Variants in ABCA8 observed in about 807,000 individuals in gnomAD.
The protein encoded by ABCA8 is ABC-type organic anion transporter ABCA8.
ABCA8 carries 177 observed loss-of-function variants against 192.3 expected under a neutral mutation model. The observed-to-expected ratio is 0.92, with a 90% CI of 0.81 to 1.04. The LOEUF is 1.04. Among genes scored for constraint, ABCA8 ranks in the 50% least tolerant of loss-of-function variants. The pLI is 0.00. For missense variants in ABCA8, 1,915 were observed against 1,904.8 expected, an observed-to-expected ratio of 1.01 and a Z score of -0.10; for synonymous variants, 642 against 690.2, an observed-to-expected ratio of 0.93 and a Z score of 1.09.
chr17:68,922,413 T>C, intron 11 of ABCA8, 113 bp from the exon 12 acceptor site: 2 of 738,132 alleles, frequency 2.7e-6, no homozygotes, highest in Non-Finnish European at 4.2e-6. Context: ...GATCTGGGTC[T>C]TCACTCTCAC....
At chr17:68,952,666 A>C (rs2068602164) in intron 1 of ABCA8, among the ~76,000 whole-genome samples, 1 of 152,188 alleles carries the variant, frequency 6.6e-6, no homozygotes, top group Non-Finnish European at 1.5e-5. Flanking sequence ...CTGCTTTAAG[A>C]ACCCAGAAAC....
chr17:68,939,181 C>T (rs1230458341), intron 4 of ABCA8, among the ~76,000 whole-genome samples: 1 of 152,134 alleles, frequency 6.6e-6, no homozygotes, highest in East Asian at 1.9e-4. Context: ...TAATCTTTAC[C>T]TTAGCCCTCG....
At chr17:68,942,234 CATTT>C in intron 2 of ABCA8, among the ~76,000 whole-genome samples, 195 bp from the exon 3 acceptor site, 1 of 152,296 alleles carries the variant, frequency 6.6e-6, no homozygotes, top group South Asian at 2.1e-4. Context: ...TCTGTTCCAT[CATTT>C]ATTTGTGATG....
chr17:68,885,313 G>T lies in ABCA8; in HGVS notation c.3432C>A (p.Val1144=). 2 of 1,604,950 alleles carry T rather than the reference G, an allele frequency of 1.2e-6. No homozygotes were observed. Among genetic ancestry groups the T allele is most frequent in the South Asian group, 2.2e-5 (2 of 89,078 alleles). The part of the protein sequence containing the change: ...SGIWSFCFYV[V]TVFSVAGFAF... The stretch of plus-strand genomic sequence containing the variant: ...CAAATCCAGCCACAGAGAATACAGT[G>T]ACCTAAAAGAAGCAAATATGAAGGT... The change falls in exon 27 of 40, where the codon GTC becomes GTA. Residue 1144 remains valine (V), a splice_region_variant and synonymous_variant. Transcript: ENST00000586539.
rs147739810 is a variant in ABCA8, at chr17:68,894,212, T to C, written c.2997A>G (p.Pro999=). ...VSNGLLGMVK[P]SVHIRTERST... is the part of the protein sequence containing the mutation. ...TTCTTTCAGTTCGGATATGTACTGA[T>C]GGTTTAACCATTCCAAGTAGCCCAT... is the stretch of plus-strand genomic sequence containing the variant. Residue 999 remains proline (P), a synonymous_variant, in exon 23 of 40, where the codon CCA becomes CCG. Transcript: ENST00000586539. 266 of 1,613,362 alleles carry C rather than the reference T, an allele frequency of 1.6e-4. No individual in the cohort carries two copies. The highest frequency in any genetic ancestry group is 2.0e-4 in the Non-Finnish European group (240 of 1,179,738).
At position 68,924,745 on chromosome 17, in the gene ABCA8, A is replaced by G; in HGVS notation, c.1398T>C (p.Ser466=). The stretch of plus-strand genomic sequence containing the variant: ...GGAATTCTGGAGGCGCTTGTTCAAA[A>G]GAGTCATGAAATGAAGGATCGGCAT... ...EMDADPSFHD[S]FEQAPPEFQG... The change falls in exon 11 of 40, where the codon TCT becomes TCC. Residue 466 remains serine, a synonymous_variant. Coordinates refer to ENST00000586539, the MANE Select transcript of ABCA8 (RefSeq NM_001288985.2). 6.2e-7 allele frequency: 1 copy of G among 1,614,124 alleles called. No individual in the cohort carries two copies. Among genetic ancestry groups the G allele is most frequent in the Non-Finnish European group, 8.5e-7 (1 of 1,179,972 alleles).
chr17:68,923,580 A>G (rs2067606760), intron 11 of ABCA8, among the ~76,000 whole-genome samples: 1 of 152,230 alleles, frequency 6.6e-6, no homozygotes, highest in Non-Finnish European at 1.5e-5. Context: ...CAAGGTGTTA[A>G]AGCGATCAAA....
intron 1 of ABCA8, among the ~76,000 whole-genome samples, chr17:68,949,904 C>T (rs913626223): frequency 6.6e-6 from 1 of 152,208 alleles, no homozygotes; most frequent in African/African-American, 2.4e-5. Context: ...TGCCCTCTCT[C>T]ACCACTCCTA....
chr17:68,892,809 T>C (rs1321353170), intron 23 of ABCA8, among the ~76,000 whole-genome samples: 1 of 152,142 alleles, frequency 6.6e-6, no homozygotes, highest in African/African-American at 2.4e-5. Context: ...CAGTGAGATA[T>C]GGTGTGAGAA....
chr17:68,918,038 A>G lies in ABCA8; in HGVS notation c.2047+9T>C, dbSNP rs369980206. 2 of 1,613,834 alleles carry G rather than the reference A, an allele frequency of 1.2e-6. No individual in the cohort carries two copies. The highest frequency in any genetic ancestry group is 2.7e-5 in the African/African-American group (2 of 74,932). ...CTCCTCAGGATACTTAACAGAAACC[A>G]GTGATTACCCGCCAGGATGTCGGCC... On this transcript the variant is annotated intron_variant, in intron 16 of 39. Transcript: ENST00000586539.
At chr17:68,937,318 A>G (rs1165217995) in intron 4 of ABCA8, among the ~76,000 whole-genome samples, 1 of 152,164 alleles carries the variant, frequency 6.6e-6, no homozygotes, top group Non-Finnish European at 1.5e-5. Context: ...AAATACATGA[A>G]AATTAGTTAT....
At chr17:68,947,432 T>A (rs956254118) in intron 2 of ABCA8, among the ~76,000 whole-genome samples, 2 of 152,230 alleles carry the variant, frequency 1.3e-5, no homozygotes, top group African/African-American at 4.8e-5. Flanking sequence ...AATGTGCTTG[T>A]CTGCTTTTAG....
chr17:68,925,835 G>A (rs770339871), intron 10 of ABCA8, among the ~76,000 whole-genome samples: 16 of 152,090 alleles, frequency 1.1e-4, no homozygotes, highest in Admixed American at 2.0e-4. Context: ...TAATTTTTCT[G>A]TCATTCTTAT....
Position 68,932,490 on chromosome 17 carries a change from C to G in ABCA8, c.595G>C (p.Glu199Gln). The G allele has an allele frequency of 6.2e-7, 1 of 1,613,452 alleles. No homozygotes were observed. The highest frequency in any genetic ancestry group is 8.5e-7 in the Non-Finnish European group (1 of 1,179,398). The part of the protein sequence containing the change: ...IEITTNHSVM[E>Q]ELMSVTGKNM... ...TTTCCAGTAACTGACATCAGCTCCT[C>G]CATCACTGAGTGATTTGTTGTGATC... The change falls in exon 7 of 40, where the codon GAG becomes CAG. Residue 199 changes from glutamate to glutamine, a missense_variant. Physicochemically the swap from Glu to Gln is conservative, Grantham distance 29. Coordinates refer to ENST00000586539, the MANE Select transcript of ABCA8 (RefSeq NM_001288985.2).
chr17:68,920,832 C>T (rs1046588831), intron 13 of ABCA8, among the ~76,000 whole-genome samples: 1 of 151,978 alleles, frequency 6.6e-6, no homozygotes, highest in African/African-American at 2.4e-5. Flanking sequence ...CCATTTGACC[C>T]AGCCATCCCA....
chr17:68,884,495 G>A, intron 27 of ABCA8, 99 bp from the exon 28 acceptor site: 1 of 1,410,038 alleles, frequency 7.1e-7, no homozygotes. Context: ...GCTAACATTT[G>A]ACCATGAATA....
At position 68,921,435 on chromosome 17, in the gene ABCA8, G is replaced by C. The variant is rs1457468868; in HGVS notation, c.1559C>G (p.Ala520Gly). Residue 520 changes from alanine (A) to glycine (G), a missense_variant, in exon 13 of 40, where the codon GCT (alanine) becomes GGT (glycine). Transcript: ENST00000586539. Reference sequence around the variant, plus strand: ...AATGTTTAGCAGTGTTGACTTTCCAGCTCCACTGTGACCAAGTATTGCAGT... The same window carrying C: ...AATGTTTAGCAGTGTTGACTTTCCACCTCCACTGTGACCAAGTATTGCAGT... ...QITAILGHSGAGKSTLLNILS... is the reference protein window; with the variant it reads ...QITAILGHSGGGKSTLLNILS... 2 of 1,611,162 alleles carry C rather than the reference G, an allele frequency of 1.2e-6. No individual in the cohort carries two copies. The highest frequency in any genetic ancestry group is 8.5e-7 in the Non-Finnish European group (1 of 1,178,078).
At position 68,893,094 on chromosome 17, in the gene ABCA8, A is replaced by G. The variant is rs2066654508; in HGVS notation, c.3036+1079T>C. On this transcript the variant is annotated intron_variant, in intron 23 of 39. Transcript: ENST00000586539. ...GATTATTGGCCATATATATTATCAT[A>G]AAACCCTAGAATGAGATGTAGATAA... Among the ~76,000 whole-genome samples, 4 of 152,208 alleles carry G rather than the reference A, an allele frequency of 2.6e-5. No individual in the cohort carries two copies. The South Asian group carries it at 8.3e-4, about 32-fold the overall frequency.
At chr17:68,906,246 T>C in intron 18 of ABCA8, 83 bp from the exon 19 acceptor site, 1 of 1,047,960 alleles carries the variant, frequency 9.5e-7, no homozygotes, top group Non-Finnish European at 1.3e-6. Flanking sequence ...TAAGCACAAA[T>C]CTATGAAACT....
Sources: allele counts gnomAD v4.1 joint callset (sites outside exome capture counted in the v4.1 genomes callset), GRCh38; gene constraint gnomAD v4.1.1; transcripts MANE v1.5; gene names NCBI Gene and HGNC (gene_info 2026-07-23, HGNC 2026-07-21).